Variants in HDLBP observed in about 807,000 individuals in gnomAD.
HDLBP encodes vigilin.
In HDLBP, 30 loss-of-function variants were observed where a neutral mutation model predicts 137.3. The ratio of observed to expected loss-of-function variants is 0.22; its 90% confidence interval spans 0.16 to 0.30. The LOEUF is 0.30. Among genes scored for constraint, HDLBP ranks in the 10% least tolerant of loss-of-function variants. The pLI is 1.00. For synonymous variants in HDLBP, 606 were observed against 596.0 expected, an observed-to-expected ratio of 1.02 and a Z score of -0.24; for missense variants, 1,119 against 1,667.3, an observed-to-expected ratio of 0.67 and a Z score of 5.73.
intron 3 of HDLBP, among the ~76,000 whole-genome samples, chr2:241,264,957 A>T (rs2073536641): frequency 6.6e-6 from 1 of 152,198 alleles, no homozygotes; most frequent in South Asian, 2.1e-4. Context: ...GTCAATTTTT[A>T]AGTCCTCTAG....
intron 21 of HDLBP, chr2:241,236,367 G>A (rs2070439180): frequency 1.9e-6 from 1 of 539,300 alleles, no homozygotes; most frequent in Non-Finnish European, 3.3e-6. Flanking sequence ...GGCCTGAGAG[G>A]CCGGATCCCA....
intron 1 of HDLBP, chr2:241,270,924 T>G: frequency 2.1e-6 from 2 of 951,142 alleles, no homozygotes; most frequent in Non-Finnish European, 2.5e-6. Context: ...ACTGTCCAAA[T>G]CAGGATTGAA....
intron 1 of HDLBP, among the ~76,000 whole-genome samples, chr2:241,306,897 A>T (rs1356400626): frequency 6.6e-6 from 1 of 151,380 alleles, no homozygotes; most frequent in Non-Finnish European, 1.5e-5. Context: ...ATTAAAAAAA[A>T]AAAAAAAAGT....
At position 241,250,075 on chromosome 2, in the gene HDLBP, C is replaced by T. The variant is rs138851495; in HGVS notation, c.1373-95G>A. On this transcript the variant is annotated intron_variant, in intron 11 of 27. Coordinates refer to ENST00000310931, the MANE Select transcript of HDLBP (RefSeq NM_005336.6). ...AGGACAGCGCTAAAGCGCTAAATAA[C>T]CTTATCTGTGATTCCCATCACCAAA... 6,337 of 1,246,322 alleles carry T rather than the reference C, an allele frequency of 5.1e-3. 32 individuals carry two copies. The highest frequency in any genetic ancestry group is 0.014 in the South Asian group (866 of 62,670). The allele number at this position is 1,246,322 out of a possible 1,614,324, so 77.2% of individuals were successfully genotyped here.
At chr2:241,236,522 G>C in intron 21 of HDLBP, 93 bp downstream of exon 21, 1 of 1,325,424 alleles carries the variant, frequency 7.5e-7, no homozygotes, top group East Asian at 2.3e-5. Context: ...CTGCCGCTTG[G>C]GCAACCGTCC....
In HDLBP at chr2:241,238,733, T is replaced by C; in HGVS notation, c.2665A>G (p.Met889Val). 1 of 1,581,822 alleles carries C rather than the reference T, an allele frequency of 6.3e-7. No homozygotes were observed. Among genetic ancestry groups the C allele is most frequent in the Non-Finnish European group, 8.6e-7 (1 of 1,156,232 alleles). The change falls in exon 20 of 28, where the codon ATG becomes GTG. Residue 889 changes from methionine to valine, a missense_variant. Physicochemically the swap from Met to Val is conservative, Grantham distance 21. Around this residue, in one of 4 missense-constraint regions of HDLBP, gnomAD observed 618 missense variants for 816.7 expected, o/e 0.76. Coordinates refer to ENST00000310931, the MANE Select transcript of HDLBP (RefSeq NM_005336.6). This position sits in a 1 kb window ranked among gnomAD's most constrained non-coding sequence, Gnocchi z 4.9. ...TGGATTCTGGAACCTTTGGGGCCCATGACAGATCGATGGAATTTCTGGGGT... is the reference window on the plus strand; with the variant it reads ...TGGATTCTGGAACCTTTGGGGCCCACGACAGATCGATGGAATTTCTGGGGT... ...AIPQKFHRSV[M>V]GPKGSRIQQI...
At chr2:241,253,546 C>T (rs1329494296) in intron 9 of HDLBP, 49 bp from the exon 10 acceptor site, 1 of 1,325,864 alleles carries the variant, frequency 7.5e-7, no homozygotes, top group Non-Finnish European at 1.1e-6. Flanking sequence ...GGCACAGCTG[C>T]AGCCCCTGAG....
chr2:241,256,396 T>C lies in HDLBP; in HGVS notation c.661A>G (p.Lys221Glu). The C allele has an allele frequency of 6.2e-7, 1 of 1,604,440 alleles. No homozygotes were observed. The highest frequency in any genetic ancestry group is 8.5e-7 in the Non-Finnish European group (1 of 1,174,326). Residue 221 changes from lysine (K) to glutamate (E), a missense_variant, in exon 7 of 28, where the codon AAA (lysine) becomes GAA (glutamate). Transcript: ENST00000310931. The stretch of plus-strand genomic sequence containing the variant: ...ACTTCTAGCCTCTCCACAGCACGTT[T>C]GTCCTGGAAAGGAAGGGATGATCTG... ...EVLLISAEQD[K>E]RAVERLEVEK...
In HDLBP at chr2:241,230,254, G is replaced by A; in HGVS notation, c.3490C>T (p.Pro1164Ser). Reference sequence around the variant, plus strand: ...TTGGGGTCTGGGGCTCCGCTCTGTGGGAAGCGAATGTCCACCTGGAAGGGG... The same window carrying A: ...TTGGGGTCTGGGGCTCCGCTCTGTGAGAAGCGAATGTCCACCTGGAAGGGG... ...MDEFKVDIRFPQSGAPDPNCV... is the reference protein window; with the variant it reads ...MDEFKVDIRFSQSGAPDPNCV... The change falls in exon 26 of 28, where the codon CCA becomes TCA. Residue 1164 changes from proline to serine, a missense_variant. Pro to Ser is a moderately conservative substitution (Grantham distance 74). Coordinates refer to ENST00000310931, the MANE Select transcript of HDLBP (RefSeq NM_005336.6). This position sits in a 1 kb window ranked among gnomAD's most constrained non-coding sequence, Gnocchi z 5.0. 1.9e-6 allele frequency: 3 copies of A among 1,590,924 alleles called. No individual in the cohort carries two copies. The highest frequency in any genetic ancestry group is 2.6e-6 in the Non-Finnish European group (3 of 1,162,826).
At chr2:241,270,333 G>A (rs527645827) in intron 1 of HDLBP, among the ~76,000 whole-genome samples, 19 of 152,306 alleles carry the variant, frequency 1.2e-4, no homozygotes, top group Admixed American at 2.6e-4. Context: ...CTCCAGACTG[G>A]TTTGACAGGC....
chr2:241,261,330 G>A (rs1405573836), intron 5 of HDLBP, among the ~76,000 whole-genome samples: 1 of 152,128 alleles, frequency 6.6e-6, no homozygotes, highest in Non-Finnish European at 1.5e-5. Context: ...GAAACATCTT[G>A]GAGATGATGA....
intron 1 of HDLBP, among the ~76,000 whole-genome samples, chr2:241,309,378 C>T (rs916486746): frequency 2.6e-5 from 4 of 152,234 alleles, no homozygotes; most frequent in African/African-American, 9.6e-5. Context: ...TACATTTACA[C>T]TACTTCGTGA....
chr2:241,252,907 C>T (rs1265140516), intron 11 of HDLBP, 50 bp downstream of exon 11: 2 of 1,293,500 alleles, frequency 1.5e-6, no homozygotes, highest in African/African-American at 1.5e-5. Flanking sequence ...ACACCCCCCA[C>T]AAGGGTCTCA....
intron 1 of HDLBP, among the ~76,000 whole-genome samples, chr2:241,285,456 A>G (rs2074767506): frequency 6.6e-6 from 1 of 152,122 alleles, no homozygotes; most frequent in Non-Finnish European, 1.5e-5. Flanking sequence ...GACCTCCATA[A>G]ACGACCTGAT....
At position 241,249,984 on chromosome 2, in the gene HDLBP, A is replaced by G; in HGVS notation, c.1373-4T>C. 1 of 1,596,862 alleles carries G rather than the reference A, an allele frequency of 6.3e-7. No individual in the cohort carries two copies. The highest frequency in any genetic ancestry group is 8.5e-7 in the Non-Finnish European group (1 of 1,173,492). ...TACTGGTCTTTGATTCTGTTTACTT[A>G]GGAACACAAAAGGAAACACATTTAG... On this transcript the variant is annotated splice_polypyrimidine_tract_variant and splice_region_variant and intron_variant, in intron 11 of 27. Transcript: ENST00000310931.
intron 11 of HDLBP, among the ~76,000 whole-genome samples, chr2:241,252,565 G>A (rs895121): frequency 0.8 from 121,412 of 152,194 alleles, 48,629 homozygotes; most frequent in East Asian, 0.95. Flanking sequence ...TTACTCTTCA[G>A]TGAGTTCCAG....
intron 1 of HDLBP, among the ~76,000 whole-genome samples, chr2:241,286,946 CAAA>C (rs34791807): frequency 7.8e-6 from 1 of 128,146 alleles, no homozygotes. Flanking sequence ...ACCCTGTTTC[CAAA>C]AAAAAAAAAA....
rs571508446 is a variant in HDLBP, at chr2:241,238,580, C to T, written c.2749+69G>A. On this transcript the variant is annotated intron_variant, in intron 20 of 27. Transcript: ENST00000310931. This position sits in a 1 kb window ranked among gnomAD's most constrained non-coding sequence, Gnocchi z 4.9. ...CAGGAAAGAGCCTCACCAGTATGTG[C>T]GACAGCCCCGCCTCTCACATGGGAG... 1.9e-5 allele frequency: 24 copies of T among 1,257,092 alleles called. No individual in the cohort carries two copies. The South Asian group carries it at 2.5e-4, about 13-fold the overall frequency. The allele number at this position is 1,257,092 out of a possible 1,614,324, so 77.9% of individuals were successfully genotyped here. A position where few individuals can be genotyped will look rare whatever the true frequency, so the allele number is the denominator to read the frequency against.
At position 241,256,255 on chromosome 2, in the gene HDLBP, T is replaced by C. The variant is rs763710691; in HGVS notation, c.802A>G (p.Ile268Val). 4 of 1,614,020 alleles carry C rather than the reference T, an allele frequency of 2.5e-6. No homozygotes were observed. In the African/African-American group the frequency reaches 5.3e-5, roughly 22 times the overall value. The stretch of plus-strand genomic sequence containing the variant: ...TGTTCCTTCTCTCCAGTGAAGACAA[T>C]CTCTGTCCGGTTCACGCTGGGTGGG... Reference protein sequence around the residue: ...IPPPSVNRTEIVFTGEKEQLA... With the variant: ...IPPPSVNRTEVVFTGEKEQLA... Residue 268 changes from isoleucine (I) to valine (V), a missense_variant, in exon 7 of 28, where the codon ATT becomes GTT. Physicochemically the swap from Ile to Val is conservative, Grantham distance 29. This residue lies in a region of HDLBP where 425 missense variants were observed against 693.9 expected (regional missense o/e 0.61). Transcript: ENST00000310931.
Sources: gnomAD v4.1 joint callset for allele counts (sites outside exome capture counted in the v4.1 genomes callset) on GRCh38, gnomAD v4.1.1 for gene constraint, gnomAD v4.1.1 regional missense constraint, Gnocchi (gnomAD v3.1) non-coding constraint, MANE v1.5 for transcripts, NCBI Gene and HGNC (gene_info 2026-07-23, HGNC 2026-07-21) for gene names.